EEF1G: variants seen among roughly 807,000 people sequenced by gnomAD.
The protein encoded by EEF1G is elongation factor 1-gamma.
Under a neutral mutation model 58.3 loss-of-function variants are expected in EEF1G, and 14 were observed. The ratio of observed to expected loss-of-function variants is 0.24; its 90% confidence interval spans 0.16 to 0.38. EEF1G has a LOEUF of 0.38. Among genes scored for constraint, EEF1G ranks in the 10% least tolerant of loss-of-function variants. The pLI, the probability that EEF1G is intolerant of heterozygous loss-of-function variation, is 1.00. For synonymous variants in EEF1G, 180 were observed against 206.8 expected, an observed-to-expected ratio of 0.87 and a Z score of 1.11; for missense variants, 322 against 550.1, an observed-to-expected ratio of 0.59 and a Z score of 4.15.
intron 5 of EEF1G, among the ~76,000 whole-genome samples, chr11:62,568,214 T>TGA (rs111820149): frequency 0.99 from 146,114 of 146,954 alleles, 72,654 homozygotes; most frequent in Middle Eastern, 1. Flanking sequence ...GGTGACAGAG[T>TGA]GACTCTGTCT....
At chr11:62,561,085 G>A (rs571180980) in intron 7 of EEF1G, among the ~76,000 whole-genome samples, 2 of 152,250 alleles carry the variant, frequency 1.3e-5, no homozygotes, top group East Asian at 3.9e-4. Context: ...CACGATTGGT[G>A]CTCTGTTTTC....
rs1274960653 is a variant in EEF1G, at chr11:62,573,873, C to T, written c.-31G>A. 12 of 1,613,468 alleles carry T rather than the reference C, an allele frequency of 7.4e-6. No individual in the cohort carries two copies. Among genetic ancestry groups the T allele is most frequent in the South Asian group, 3.3e-5 (3 of 91,084 alleles). On this transcript the variant is annotated 5_prime_UTR_variant, in exon 1 of 10. Transcript: ENST00000329251. Reference sequence around the variant, plus strand: ...TTCCGCAAAGAAAGGGGGTGGGGTTCTCGGCGCTGCCGCAAAGTAAGCCGC... The same window carrying T: ...TTCCGCAAAGAAAGGGGGTGGGGTTTTCGGCGCTGCCGCAAAGTAAGCCGC...
intron 7 of EEF1G, among the ~76,000 whole-genome samples, chr11:62,565,960 C>A (rs1162012456): frequency 6.6e-6 from 1 of 151,954 alleles, no homozygotes; most frequent in Non-Finnish European, 1.5e-5. Flanking sequence ...CCCTAGCAGA[C>A]CAAGCAGTAA....
intron 7 of EEF1G, among the ~76,000 whole-genome samples, chr11:62,562,385 G>C (rs1308410619): frequency 6.6e-6 from 1 of 152,148 alleles, no homozygotes; most frequent in Non-Finnish European, 1.5e-5. Context: ...TACAACATGT[G>C]TGTGTATATA....
intron 7 of EEF1G, among the ~76,000 whole-genome samples, chr11:62,566,078 G>A (rs539610859): frequency 1.3e-5 from 2 of 152,152 alleles, no homozygotes; most frequent in African/African-American, 4.8e-5. Flanking sequence ...CAAACTGCTT[G>A]AACTCCCAAT....
intron 7 of EEF1G, among the ~76,000 whole-genome samples, chr11:62,566,377 A>G (rs1424087339): frequency 6.6e-6 from 1 of 152,206 alleles, no homozygotes; most frequent in Non-Finnish European, 1.5e-5. Flanking sequence ...ACAGAAAACA[A>G]AACAATTCAA....
chr11:62,561,154 C>A (rs993967203), intron 7 of EEF1G, among the ~76,000 whole-genome samples: 7 of 152,148 alleles, frequency 4.6e-5, no homozygotes, highest in African/African-American at 1.7e-4. Flanking sequence ...GCCTGTAATC[C>A]CAGCACTTTG....
chr11:62,562,582 A>G (rs978600614), intron 7 of EEF1G, among the ~76,000 whole-genome samples: 3 of 152,056 alleles, frequency 2.0e-5, no homozygotes, highest in African/African-American at 7.2e-5. Flanking sequence ...ACCGGGTTCA[A>G]GCGATTCTCC....
chr11:62,564,834 A>G (rs58720921), intron 7 of EEF1G, among the ~76,000 whole-genome samples: 43,074 of 147,046 alleles, frequency 0.29, 6,860 homozygotes, highest in Non-Finnish European at 0.38. Flanking sequence ...TTGAGAGGCC[A>G]AGGTGGGCGG....
At chr11:62,572,863 G>T in intron 1 of EEF1G, 121 bp from the exon 2 acceptor site, 1 of 913,728 alleles carries the variant, frequency 1.1e-6, no homozygotes, top group Non-Finnish European at 1.6e-6. Context: ...TACTTCCTCT[G>T]GTGAACCAAG....
chr11:62,573,742 T>C, intron 1 of EEF1G, 89 bp downstream of exon 1: 1 of 1,581,974 alleles, frequency 6.3e-7, no homozygotes, highest in South Asian at 1.1e-5. Flanking sequence ...CCACTCAACC[T>C]CAGAACTCCT....
Position 62,566,878 on chromosome 11 carries a change from T to C in EEF1G, c.785A>G (p.Glu262Gly). The C allele has an allele frequency of 6.2e-7, 1 of 1,613,448 alleles. No homozygotes were observed. The highest frequency in any genetic ancestry group is 1.7e-4 in the Middle Eastern group (1 of 5,798). ...CAGCGCCTGCTCACATTCATCCATC[T>C]CCTCCTCAGGAGCAGGGGCAGCCGC... Reference protein sequence around the residue: ...KKAAAPAPEEEMDECEQALAA... With the variant: ...KKAAAPAPEEGMDECEQALAA... Residue 262 changes from glutamate to glycine, a missense_variant, in exon 7 of 10, where the codon GAG becomes GGG. Physicochemically the swap from Glu to Gly is moderately conservative, Grantham distance 98. Coordinates refer to ENST00000329251, the MANE Select transcript of EEF1G (RefSeq NM_001404.5).
intron 7 of EEF1G, among the ~76,000 whole-genome samples, chr11:62,562,322 T>C (rs1941505725): frequency 6.6e-6 from 1 of 152,166 alleles, no homozygotes; most frequent in Non-Finnish European, 1.5e-5. Flanking sequence ...TGCCGGCTAA[T>C]AAAGGACTCT....
At position 62,566,953 on chromosome 11, in the gene EEF1G, G is replaced by A; in HGVS notation, c.710C>T (p.Ser237Leu). 1 of 1,613,952 alleles carries A rather than the reference G, an allele frequency of 6.2e-7. No individual in the cohort carries two copies. Among genetic ancestry groups the A allele is most frequent in the Non-Finnish European group, 8.5e-7 (1 of 1,179,896 alleles). The change falls in exon 7 of 10, where the codon TCA (serine) becomes TTA (leucine). Residue 237 changes from serine to leucine, a missense_variant. By Grantham distance (145) the Ser-to-Leu change is moderately radical. Coordinates refer to ENST00000329251, the MANE Select transcript of EEF1G (RefSeq NM_001404.5). The stretch of plus-strand genomic sequence containing the variant: ...CTGGGGCTTCTGCTTCTCTTCCCGT[G>A]AACCCTTCTCTTTCCGTGGTGTGTC... The part of the protein sequence containing the change: ...KKDTPRKEKG[S>L]REEKQKPQAE...
At chr11:62,562,921 G>A (rs1941514842) in intron 7 of EEF1G, among the ~76,000 whole-genome samples, 1 of 151,932 alleles carries the variant, frequency 6.6e-6, no homozygotes, top group African/African-American at 2.4e-5. Flanking sequence ...GGGAAATATA[G>A]CGAGACACTG....
Position 62,572,624 on chromosome 11 carries a change from T to C in EEF1G, c.131A>G (p.Asn44Ser). ...TTTGCGGAGAAATTCAGGGGTGCGG[T>C]TGGTTTGGCCAAAATGGAAGTGGGG... The part of the protein sequence containing the change: ...APPHFHFGQT[N>S]RTPEFLRKFP... Residue 44 changes from asparagine to serine, a missense_variant, in exon 2 of 10, where the codon AAC (asparagine) becomes AGC (serine). Asn to Ser is a conservative substitution (Grantham distance 46, BLOSUM62 1). Around this residue, in one of 3 missense-constraint regions of EEF1G, gnomAD observed 62 missense variants for 87.0 expected, o/e 0.71. Transcript: ENST00000329251. 6.2e-7 allele frequency: 1 copy of C among 1,612,178 alleles called. No homozygotes were observed. Among genetic ancestry groups the C allele is most frequent in the Non-Finnish European group, 8.5e-7 (1 of 1,179,852 alleles).
At chr11:62,566,389 G>C (rs1476837526) in intron 7 of EEF1G, among the ~76,000 whole-genome samples, 1 of 152,204 alleles carries the variant, frequency 6.6e-6, no homozygotes, top group Admixed American at 6.5e-5. Context: ...ACAATTCAAA[G>C]GACCCTGCTC....
intron 7 of EEF1G, among the ~76,000 whole-genome samples, chr11:62,561,686 A>ACC (rs1565259900): frequency 6.7e-6 from 1 of 149,028 alleles, no homozygotes; most frequent in Non-Finnish European, 1.5e-5. Context: ...AAAAAACAAA[A>ACC]AAAAAAAAAA....
intron 7 of EEF1G, among the ~76,000 whole-genome samples, chr11:62,561,371 T>A (rs2134289567): frequency 6.9e-6 from 1 of 145,642 alleles, no homozygotes; most frequent in African/African-American, 2.6e-5. Context: ...AGAGGAAGAG[T>A]CCTGTCTGGG....
Sources: gnomAD v4.1 joint callset for allele counts (sites outside exome capture counted in the v4.1 genomes callset) on GRCh38, gnomAD v4.1.1 for gene constraint, gnomAD v4.1.1 regional missense constraint, MANE v1.5 for transcripts, NCBI Gene and HGNC (gene_info 2026-07-23, HGNC 2026-07-21) for gene names.